Variants in TP53BP1 observed in about 807,000 individuals in gnomAD.
TP53BP1 encodes tumor protein p53 binding protein 1, also known as TP53-binding protein 1.
TP53BP1 carries 61 observed loss-of-function variants against 200.8 expected under a neutral mutation model. The observed-to-expected ratio is 0.30, with a 90% CI of 0.25 to 0.38. The LOEUF is 0.38. Ranked by LOEUF, TP53BP1 falls within the 10% of genes least tolerant of loss-of-function variation. The pLI is 1.00. For missense variants in TP53BP1, 2,144 were observed against 2,371.9 expected, an observed-to-expected ratio of 0.90 and a Z score of 2.00; for synonymous variants, 822 against 844.3, an observed-to-expected ratio of 0.97 and a Z score of 0.46.
At chr15:43,492,137 T>C (rs1334590018) in intron 2 of TP53BP1, 42 bp from the exon 3 acceptor site, 2 of 1,539,620 alleles carry the variant, frequency 1.3e-6, no homozygotes. Context: ...ATATATGAAA[T>C]AGTTCAAAAT....
chr15:43,425,581 C>T (rs1057037740), intron 18 of TP53BP1, among the ~76,000 whole-genome samples: 1 of 152,192 alleles, frequency 6.6e-6, no homozygotes, highest in Admixed American at 6.5e-5. Context: ...GATCATACCA[C>T]TGCACTCCAG....
chr15:43,444,240 G>C (rs187865731), intron 14 of TP53BP1, among the ~76,000 whole-genome samples: 119 of 152,188 alleles, frequency 7.8e-4, no homozygotes, highest in African/African-American at 2.8e-3. Flanking sequence ...AAGATTTAAG[G>C]CTATCACATA....
chr15:43,456,074 G>C lies in TP53BP1; in HGVS notation c.2534C>G (p.Ala845Gly). 1.2e-6 allele frequency: 2 copies of C among 1,614,172 alleles called. No homozygotes were observed. The highest frequency in any genetic ancestry group is 1.7e-6 in the Non-Finnish European group (2 of 1,180,040). ...CTGGTCAAGTCTTAAAGGATCATCT[G>C]CTCTCACTAAAGGTAAGGAAGGCTG... Reference protein sequence around the residue: ...SSQPSLPLVRADDPLRLDQEL... With the variant: ...SSQPSLPLVRGDDPLRLDQEL... Residue 845 changes from alanine (A) to glycine (G), a missense_variant, in exon 12 of 28, where the codon GCA (alanine) becomes GGA (glycine). Around this residue, in one of 4 missense-constraint regions of TP53BP1, gnomAD observed 1,700 missense variants for 1,710.3 expected, o/e 0.99. Coordinates refer to ENST00000382044, the MANE Select transcript of TP53BP1 (RefSeq NM_001141980.3).
intron 12 of TP53BP1, among the ~76,000 whole-genome samples, chr15:43,452,527 C>CA (rs1460427821): frequency 2.0e-5 from 3 of 152,058 alleles, no homozygotes; most frequent in Non-Finnish European, 2.9e-5. Context: ...GGTGCCACTG[C>CA]ACTCCAGCCT....
At position 43,492,567 on chromosome 15, in the gene TP53BP1, A is replaced by C. The variant is rs539707137; in HGVS notation, c.8-99T>G. 16 of 932,630 alleles carry C rather than the reference A, an allele frequency of 1.7e-5. No individual in the cohort carries two copies. The East Asian group carries it at 3.9e-4, about 22-fold the overall frequency. 57.8% of individuals were successfully genotyped at this position (932,630 alleles called of 1,614,324 possible). ...GGGGCGGAAGTACAAGAGCTGGGAA[A>C]CGGGACCACTTCAGGACTCCTCCAA... On this transcript the variant is annotated intron_variant, in intron 1 of 27. Coordinates refer to ENST00000382044, the MANE Select transcript of TP53BP1 (RefSeq NM_001141980.3).
Position 43,406,618 on chromosome 15 carries a change from C to T in TP53BP1, c.*765G>A, listed in dbSNP as rs2044898161. ...CTTTACAGAAAAAAACCTTGTTGACCCCTGCTTTAGAGAATGAGAAGCCAT... is the reference window on the plus strand; with the variant it reads ...CTTTACAGAAAAAAACCTTGTTGACTCCTGCTTTAGAGAATGAGAAGCCAT... On this transcript the variant is annotated 3_prime_UTR_variant, in exon 28 of 28. Transcript: ENST00000382044. 4 of 455,790 alleles carry T rather than the reference C, an allele frequency of 8.8e-6. No homozygotes were observed. In the Admixed American group the frequency reaches 9.4e-5, roughly 11 times the overall value. The allele number at this position is 455,790 out of a possible 1,614,324, so 28.2% of individuals were successfully genotyped here.
rs779088744 is a variant in TP53BP1, at chr15:43,462,216, C to CAA, written c.1390-5000_1390-4999dup. 2.9e-4 allele frequency among the ~76,000 whole-genome samples: 10 copies of CAA among 34,096 alleles called. 2 individuals carry two copies. The highest frequency in any genetic ancestry group is 1.1e-3 in the Admixed American group (2 of 1,890). The allele number at this position is 34,096 out of a possible 152,430, so 22.4% of individuals were successfully genotyped here. A position where few individuals can be genotyped will look rare whatever the true frequency, so the allele number is the denominator to read the frequency against. On this transcript the variant is annotated intron_variant, in intron 11 of 27. Transcript: ENST00000382044. ...ACACGTGGAGAGCGAGACTTCATCT[C>CAA]AAAAAAAAAAAAAAAAAAAAAAAAA...
chr15:43,456,478 C>G lies in TP53BP1; in HGVS notation c.2130G>C (p.Lys710Asn), dbSNP rs746533894. 15 of 1,568,482 alleles carry G rather than the reference C, an allele frequency of 9.6e-6. No individual in the cohort carries two copies. Among genetic ancestry groups the G allele is most frequent in the Admixed American group, 7.8e-5 (4 of 51,398 alleles). The change falls in exon 12 of 28, where the codon AAG becomes AAC. Residue 710 changes from lysine (K) to asparagine (N), a missense_variant. Transcript: ENST00000382044. Reference sequence around the variant, plus strand: ...CTGAGCATTCTTTTTTTGGCATTTCCTTTTGAAGACACAACCCTTGGGACT... The same window carrying G: ...CTGAGCATTCTTTTTTTGGCATTTCGTTTTGAAGACACAACCCTTGGGACT... ...ETQSQGLCLQKEMPKKECSEA... is the reference protein window; with the variant it reads ...ETQSQGLCLQNEMPKKECSEA...
At position 43,456,228 on chromosome 15, in the gene TP53BP1, C is replaced by T. The variant is rs759144757; in HGVS notation, c.2380G>A (p.Asp794Asn). 6.2e-7 allele frequency: 1 copy of T among 1,614,152 alleles called. No individual in the cohort carries two copies. The highest frequency in any genetic ancestry group is 8.5e-7 in the Non-Finnish European group (1 of 1,180,014). The change falls in exon 12 of 28, where the codon GAT becomes AAT. Residue 794 changes from aspartate (D) to asparagine (N), a missense_variant. By Grantham distance (23) the Asp-to-Asn change is conservative. Transcript: ENST00000382044. ...EKCSDSQSWE[D>N]IAPEIEPCAE... ...CATGGTTCTATTTCTGGAGCAATAT[C>T]CTCCCATGACTGGGAATCTGAGCAC...
At chr15:43,492,214 C>G (rs1595629755) in intron 2 of TP53BP1, 70 bp downstream of exon 2, 2 of 1,518,176 alleles carry the variant, frequency 1.3e-6, no homozygotes, top group Non-Finnish European at 1.8e-6. Context: ...CTTCTAAATA[C>G]TTATGTTTGC....
chr15:43,492,331 A>C lies in TP53BP1; in HGVS notation c.145T>G (p.Ser49Ala). ...DDSGSHFSML[S>A]RHLPNLQTHK... is the part of the protein sequence containing the mutation. ...GTCTGGAGATTAGGAAGGTGTCGAGATAGCATACTGAAGTGAGAACCAGAA... is the reference window on the plus strand; with the variant it reads ...GTCTGGAGATTAGGAAGGTGTCGAGCTAGCATACTGAAGTGAGAACCAGAA... Residue 49 changes from serine (S) to alanine (A), a missense_variant, in exon 2 of 28, where the codon TCT (serine) becomes GCT (alanine). Ser to Ala is a moderately conservative substitution (Grantham distance 99). Around this residue, in one of 4 missense-constraint regions of TP53BP1, gnomAD observed 1,700 missense variants for 1,710.3 expected, o/e 0.99. Coordinates refer to ENST00000382044, the MANE Select transcript of TP53BP1 (RefSeq NM_001141980.3). 1.2e-6 allele frequency: 2 copies of C among 1,614,172 alleles called. No homozygotes were observed. Among genetic ancestry groups the C allele is most frequent in the Non-Finnish European group, 1.7e-6 (2 of 1,180,022 alleles).
chr15:43,483,999 G>T lies in TP53BP1; in HGVS notation c.372-2977C>A, dbSNP rs539622361. ...GTCTGCAATTTAAATCTCTGGCCTA[G>T]ACTTTTCCCTCTGAGCTCCAGGCCT... On this transcript the variant is annotated intron_variant, in intron 4 of 27. Coordinates refer to ENST00000382044, the MANE Select transcript of TP53BP1 (RefSeq NM_001141980.3). Among the ~76,000 whole-genome samples, 27 of 152,286 alleles carry T rather than the reference G, an allele frequency of 1.8e-4. No individual in the cohort carries two copies. The South Asian group carries it at 5.2e-3, about 29-fold the overall frequency.
chr15:43,423,595 C>CT (rs34745010), intron 18 of TP53BP1, among the ~76,000 whole-genome samples: 70,076 of 150,958 alleles, frequency 0.46, 21,229 homozygotes, highest in African/African-American at 0.87. Flanking sequence ...GGAGATGGAG[C>CT]TGCAGTGAGC....
chr15:43,472,993 T>C (rs979150784), intron 10 of TP53BP1, among the ~76,000 whole-genome samples: 11 of 152,024 alleles, frequency 7.2e-5, no homozygotes, highest in African/African-American at 2.7e-4. Context: ...GTTTCTTCCT[T>C]CTGGTGGGTT....
intron 12 of TP53BP1, among the ~76,000 whole-genome samples, chr15:43,448,805 A>G (rs1026355194): frequency 2.0e-5 from 3 of 152,220 alleles, no homozygotes; most frequent in Non-Finnish European, 2.9e-5. Context: ...GAAATAAAGG[A>G]TTAAAGTACA....
At chr15:43,498,311 A>G (rs1183437359) in intron 1 of TP53BP1, among the ~76,000 whole-genome samples, 1 of 152,232 alleles carries the variant, frequency 6.6e-6, no homozygotes, top group East Asian at 1.9e-4. Flanking sequence ...ATTTGCAGTG[A>G]AGAAACCTGG....
At chr15:43,451,208 A>G (rs1300643062) in intron 12 of TP53BP1, among the ~76,000 whole-genome samples, 2 of 151,836 alleles carry the variant, frequency 1.3e-5, no homozygotes. Context: ...TTATACTTTA[A>G]GTTTTAGGGT....
At chr15:43,491,167 G>A (rs1180570456) in intron 4 of TP53BP1, among the ~76,000 whole-genome samples, 3 of 150,698 alleles carry the variant, frequency 2.0e-5, no homozygotes, top group Non-Finnish European at 2.9e-5. Context: ...TGCAACCTCC[G>A]CCTCCCAGGT....
intron 19 of TP53BP1, among the ~76,000 whole-genome samples, chr15:43,421,513 A>C (rs929998337): frequency 1.3e-5 from 2 of 152,208 alleles, no homozygotes; most frequent in African/African-American, 2.4e-5. Context: ...AGATGCATTA[A>C]GTTTGGGCTA....
Sources: allele counts gnomAD v4.1 joint callset (sites outside exome capture counted in the v4.1 genomes callset), GRCh38; gene constraint gnomAD v4.1.1; regional missense constraint gnomAD v4.1.1; transcripts MANE v1.5; gene names NCBI Gene and HGNC (gene_info 2026-07-23, HGNC 2026-07-21).